AXDND1: variants seen among roughly 807,000 people sequenced by gnomAD.
AXDND1 encodes the protein axonemal dynein light chain domain-containing protein 1.
Under a neutral mutation model 137.5 loss-of-function variants are expected in AXDND1, and 110 were observed. The ratio of observed to expected loss-of-function variants is 0.80; its 90% CI spans 0.69 to 0.94. AXDND1 has a LOEUF of 0.94. AXDND1 is among the 40% of genes least tolerant of loss of function. The pLI is 0.00. For missense variants in AXDND1, 1,191 were observed against 1,169.8 expected (o/e 1.02, Z -0.26); for synonymous variants, 414 against 399.7 (o/e 1.04, Z -0.43).
At chr1:179,482,035 A>G (rs1245214868) in intron 17 of AXDND1, among the ~76,000 whole-genome samples, 1 of 151,834 alleles carries the variant, frequency 6.6e-6, no homozygotes, top group Non-Finnish European at 1.5e-5. Context: ...CTTAGGTTTG[A>G]ACATCTTCAG....
chr1:179,527,494 C>T (rs992101756), intron 22 of AXDND1, among the ~76,000 whole-genome samples: 18 of 152,106 alleles, frequency 1.2e-4, no homozygotes, highest in African/African-American at 3.6e-4. Context: ...CTGGTTCATA[C>T]GTCTCTGACA....
Position 179,549,280 on chromosome 1 carries a change from A to G in AXDND1, c.3032-5232A>G, listed in dbSNP as rs568385370. Among the ~76,000 whole-genome samples the G allele has an allele frequency of 2.2e-4, 34 of 152,314 alleles. No homozygotes were observed. The East Asian group carries it at 6.6e-3, about 29-fold the overall frequency. ...AGAATTTTACCTTTGACTATCCACT[A>G]TACTCTTTCACCTAAACACAGTTTT... On this transcript the variant is annotated intron_variant, in intron 25 of 25. Transcript: ENST00000367618.
At chr1:179,528,644 T>TA (rs1670769673) in intron 23 of AXDND1, among the ~76,000 whole-genome samples, 1 of 131,718 alleles carries the variant, frequency 7.6e-6, no homozygotes, top group African/African-American at 2.7e-5. Context: ...TAAACCTCTT[T>TA]TTTTTTTTTT....
chr1:179,467,519 A>G (rs1663371229), intron 16 of AXDND1, among the ~76,000 whole-genome samples: 1 of 152,240 alleles, frequency 6.6e-6, no homozygotes, highest in Non-Finnish European at 1.5e-5. Context: ...AATGTATACA[A>G]GAGGATGTGC....
chr1:179,422,242 A>G (rs889501724), intron 12 of AXDND1, among the ~76,000 whole-genome samples: 1 of 20,642 alleles, frequency 4.8e-5, no homozygotes, highest in African/African-American at 1.3e-4. Context: ...TGATATAGAT[A>G]TATCAAATAT....
chr1:179,452,429 C>T (rs2125401101), intron 16 of AXDND1: 1 of 145,338 alleles, frequency 6.9e-6, no homozygotes, highest in East Asian at 1.9e-4. Context: ...TGGCTCACGC[C>T]TGTAATCCCA....
chr1:179,441,239 T>A (rs936120359), intron 15 of AXDND1, among the ~76,000 whole-genome samples: 1 of 152,202 alleles, frequency 6.6e-6, no homozygotes, highest in African/African-American at 2.4e-5. Flanking sequence ...GTCCTGCGTT[T>A]TTTCCGTTGG....
chr1:179,453,482 AAAG>A (rs1219691898), intron 16 of AXDND1: 1 of 152,402 alleles, frequency 6.6e-6, no homozygotes, highest in African/African-American at 2.4e-5. Context: ...ACGTGGAGTC[AAAG>A]AAGGTCATTT....
At chr1:179,533,960 C>G in intron 24 of AXDND1, 83 bp downstream of exon 24, 1 of 1,174,102 alleles carries the variant, frequency 8.5e-7, no homozygotes, top group Non-Finnish European at 1.3e-6. Context: ...TTTTTGGCTT[C>G]CCTTTGGCTC....
intron 16 of AXDND1, among the ~76,000 whole-genome samples, chr1:179,467,197 A>G (rs887878656): frequency 2.8e-5 from 4 of 142,112 alleles, no homozygotes; most frequent in Non-Finnish European, 6.1e-5. Context: ...AATCCTTCTC[A>G]GCAAGTGTCT....
intron 5 of AXDND1, 54 bp downstream of exon 5, chr1:179,378,811 T>C: frequency 7.4e-7 from 1 of 1,343,052 alleles, no homozygotes; most frequent in Non-Finnish European, 9.8e-7. Context: ...CTTTTAAAAA[T>C]CATTTTAAAA....
At chr1:179,473,236 C>A (rs1004949322) in intron 17 of AXDND1, among the ~76,000 whole-genome samples, 2 of 152,146 alleles carry the variant, frequency 1.3e-5, no homozygotes, top group African/African-American at 4.8e-5. Flanking sequence ...CAGGTCATGC[C>A]TGTAATCCCA....
At chr1:179,382,142 G>A (rs930296233) in intron 6 of AXDND1, among the ~76,000 whole-genome samples, 2 of 151,108 alleles carry the variant, frequency 1.3e-5, no homozygotes, top group African/African-American at 2.4e-5. Flanking sequence ...GCAGTGGCAC[G>A]ATCTCTGCTC....
chr1:179,398,537 G>C (rs376208768), intron 11 of AXDND1, among the ~76,000 whole-genome samples: 65 of 152,310 alleles, frequency 4.3e-4, no homozygotes, highest in African/African-American at 1.5e-3. Context: ...AGGTGCTGGG[G>C]TGCCTGCTTC....
intron 9 of AXDND1, among the ~76,000 whole-genome samples, chr1:179,387,036 A>G (rs1017924338): frequency 5.9e-5 from 9 of 151,974 alleles, no homozygotes; most frequent in African/African-American, 2.2e-4. Flanking sequence ...TAACTTTTTG[A>G]ACATACAGAA....
chr1:179,549,128 A>G (rs954450749), intron 25 of AXDND1, among the ~76,000 whole-genome samples: 4 of 152,136 alleles, frequency 2.6e-5, no homozygotes, highest in African/African-American at 9.7e-5. Context: ...TCAGGAAAAA[A>G]AAAACTATTC....
chr1:179,400,536 A>G (rs554865777), intron 11 of AXDND1, among the ~76,000 whole-genome samples: 3 of 152,052 alleles, frequency 2.0e-5, no homozygotes, highest in Admixed American at 6.6e-5. Context: ...TTACTCATGT[A>G]ATCAGATACC....
intron 4 of AXDND1, among the ~76,000 whole-genome samples, chr1:179,371,256 T>C (rs897349214): frequency 6.6e-6 from 1 of 151,970 alleles, no homozygotes; most frequent in Non-Finnish European, 1.5e-5. Flanking sequence ...GGTGAAACCC[T>C]GTCACTACAA....
chr1:179,369,033 TTAAG>T, intron 3 of AXDND1, 61 bp downstream of exon 3: 1 of 1,443,364 alleles, frequency 6.9e-7, no homozygotes, highest in Non-Finnish European at 9.5e-7. Flanking sequence ...TGATTATTCT[TTAAG>T]TATTTATTAT....
Sources: gnomAD v4.1 joint callset for allele counts (sites outside exome capture counted in the v4.1 genomes callset) on GRCh38, gnomAD v4.1.1 for gene constraint, MANE v1.5 for transcripts, NCBI Gene and HGNC (gene_info 2026-07-23, HGNC 2026-07-21) for gene names.